SAMD5: variants seen among roughly 807,000 people sequenced by gnomAD.
SAMD5 encodes sterile alpha motif domain-containing protein 5.
Under a neutral mutation model 11.3 loss-of-function variants are expected in SAMD5, and 13 were observed. The ratio of observed to expected loss-of-function variants is 1.15; its 90% CI spans 0.75 to 1.83. The LOEUF (loss-of-function observed/expected upper bound fraction) is 1.83. SAMD5 is among the 40% of genes most tolerant of loss of function. SAMD5 has a pLI of 0.00. For missense variants in SAMD5, 255 were observed against 239.1 expected, an observed-to-expected ratio of 1.07 and a Z score of -0.44; for synonymous variants, 129 against 111.3, an observed-to-expected ratio of 1.16 and a Z score of -1.00.
intron 1 of SAMD5, among the ~76,000 whole-genome samples, chr6:147,576,345 C>T (rs1045696737): frequency 3.3e-5 from 5 of 151,970 alleles, no homozygotes; most frequent in Non-Finnish European, 2.9e-5. Context: ...TTAGCCATTT[C>T]GGCTAGGCTG....
intron 1 of SAMD5, among the ~76,000 whole-genome samples, chr6:147,530,369 A>G (rs1294787791): frequency 6.6e-6 from 1 of 152,250 alleles, no homozygotes; most frequent in Non-Finnish European, 1.5e-5. Context: ...TTACCTCGGA[A>G]GAGCATGGTG....
chr6:147,556,382 G>T (rs746281670), intron 1 of SAMD5, among the ~76,000 whole-genome samples: 1 of 152,186 alleles, frequency 6.6e-6, no homozygotes, highest in African/African-American at 2.4e-5. Context: ...GTGAGCCACC[G>T]TGCCCGGCTA....
At chr6:147,533,046 T>G (rs1256992420) in intron 1 of SAMD5, among the ~76,000 whole-genome samples, 1 of 152,008 alleles carries the variant, frequency 6.6e-6, no homozygotes, top group East Asian at 1.9e-4. Flanking sequence ...TACAGCAGAA[T>G]GAAAGCAGTG....
chr6:147,586,100 T>A (rs1243849083), intron 1 of SAMD5, among the ~76,000 whole-genome samples: 1 of 152,132 alleles, frequency 6.6e-6, no homozygotes, highest in East Asian at 1.9e-4. Flanking sequence ...AATTAAGGTA[T>A]CTGCCAGTCA....
At chr6:147,634,223 A>C (rs1365943512) in intron 1 of SAMD5, among the ~76,000 whole-genome samples, 1 of 152,200 alleles carries the variant, frequency 6.6e-6, no homozygotes, top group Admixed American at 6.5e-5. Context: ...ACAGTTCTGC[A>C]GGCTGTACAG....
At chr6:147,601,653 G>A (rs1308855373) in intron 1 of SAMD5, among the ~76,000 whole-genome samples, 1 of 152,108 alleles carries the variant, frequency 6.6e-6, no homozygotes, top group African/African-American at 2.4e-5. Flanking sequence ...GTCATGAATT[G>A]AAACACTTGT....
chr6:147,828,772 A>G, the SAMD5 span, among the ~76,000 whole-genome samples: 1 of 152,228 alleles, frequency 6.6e-6, no homozygotes, highest in African/African-American at 2.4e-5. Context: ...CCTTTGGAGA[A>G]CACTGACTAA....
the SAMD5 span, among the ~76,000 whole-genome samples, chr6:147,792,735 G>A: frequency 6.6e-6 from 1 of 152,234 alleles, no homozygotes; most frequent in South Asian, 2.1e-4. Context: ...AAGTAAGGAA[G>A]TACTCAAGAA....
At chr6:147,777,149 A>C in the SAMD5 span, among the ~76,000 whole-genome samples, 1 of 151,730 alleles carries the variant, frequency 6.6e-6, no homozygotes, top group African/African-American at 2.4e-5. Flanking sequence ...TAAGTATTTG[A>C]CTTTTTTTTT....
At chr6:147,516,252 G>A (rs1445024502) in intron 1 of SAMD5, among the ~76,000 whole-genome samples, 20 of 152,148 alleles carry the variant, frequency 1.3e-4, no homozygotes, top group Admixed American at 1.3e-3. Flanking sequence ...ACATCTATCA[G>A]TGCCCATCTC....
intron 1 of SAMD5, among the ~76,000 whole-genome samples, chr6:147,651,961 C>A (rs576542466): frequency 2.3e-4 from 13 of 56,628 alleles, no homozygotes; most frequent in Admixed American, 1.8e-3. Flanking sequence ...TCAACACCAA[C>A]CCCCGCATTC....
intron 1 of SAMD5, among the ~76,000 whole-genome samples, chr6:147,716,773 C>T (rs1008675791): frequency 2.6e-5 from 4 of 152,190 alleles, no homozygotes; most frequent in African/African-American, 9.6e-5. Flanking sequence ...AAAGATACTT[C>T]TATTTTGAAA....
chr6:147,849,880 T>C, the SAMD5 span, among the ~76,000 whole-genome samples: 5 of 152,206 alleles, frequency 3.3e-5, no homozygotes, highest in African/African-American at 1.2e-4. Flanking sequence ...TGCATGCAGC[T>C]GTATTCAATT....
intron 1 of SAMD5, among the ~76,000 whole-genome samples, chr6:147,639,091 A>T (rs1562340032): frequency 1.3e-5 from 2 of 152,138 alleles, no homozygotes; most frequent in African/African-American, 4.8e-5. Context: ...TAGTTATTTA[A>T]ACTGCAAATT....
At chr6:147,738,769 T>C (rs149137465), downstream of SAMD5, among the ~76,000 whole-genome samples, 43 of 152,354 alleles carry the variant, frequency 2.8e-4, 2 homozygotes, top group East Asian at 7.7e-3. Flanking sequence ...CACCCCTGAC[T>C]GTGGCTGACT....
At chr6:147,954,392 C>G in the SAMD5 span, among the ~76,000 whole-genome samples, 1 of 152,012 alleles carries the variant, frequency 6.6e-6, no homozygotes, top group Non-Finnish European at 1.5e-5. Context: ...GTGGTCCCAT[C>G]AGATTACAAT....
At chr6:147,647,953 G>A (rs751510300) in intron 1 of SAMD5, among the ~76,000 whole-genome samples, 1 of 152,160 alleles carries the variant, frequency 6.6e-6, no homozygotes, top group African/African-American at 2.4e-5. Flanking sequence ...AAGAGATTAA[G>A]TAAATTGATC....
At chr6:147,854,927 G>A in the SAMD5 span, among the ~76,000 whole-genome samples, 1 of 152,094 alleles carries the variant, frequency 6.6e-6, no homozygotes, top group South Asian at 2.1e-4. Context: ...CTACTGGGTT[G>A]GAGGAACAAA....
At chr6:147,827,853 G>A in the SAMD5 span, among the ~76,000 whole-genome samples, 2 of 151,690 alleles carry the variant, frequency 1.3e-5, no homozygotes, top group East Asian at 1.9e-4. Context: ...GCAGTGGCGC[G>A]ATCTCGGCTC....
Sources: gnomAD v4.1 joint callset for allele counts (sites outside exome capture counted in the v4.1 genomes callset) on GRCh38, gnomAD v4.1.1 for gene constraint, MANE v1.5 for transcripts, NCBI Gene and HGNC (gene_info 2026-07-23, HGNC 2026-07-21) for gene names.